Variants in SLC35D4 observed in about 807,000 individuals in gnomAD.
SLC35D4 encodes the protein UDP-N-acetylglucosamine transporter SLC35D4.
the SLC35D4 span, among the ~76,000 whole-genome samples, chr18:23,424,003 C>T: frequency 2.6e-5 from 4 of 152,092 alleles, no homozygotes; most frequent in East Asian, 3.9e-4. Context: ...AGTGACACGT[C>T]GCATTTACAT....
At chr18:23,419,401 TC>T in the SLC35D4 span, among the ~76,000 whole-genome samples, 1 of 152,112 alleles carries the variant, frequency 6.6e-6, no homozygotes, top group Admixed American at 6.5e-5. Context: ...CAAGCGATTC[TC>T]CTGCCTCAGC....
chr18:23,246,585 G>T, the SLC35D4 span, among the ~76,000 whole-genome samples: 26 of 151,908 alleles, frequency 1.7e-4, no homozygotes, highest in Non-Finnish European at 7.4e-5. Context: ...TAGAGATGGG[G>T]TTTCACCGTG....
chr18:23,243,468 GTTTTTTT>G, the SLC35D4 span, among the ~76,000 whole-genome samples: 13 of 101,878 alleles, frequency 1.3e-4, no homozygotes, highest in Admixed American at 8.0e-4. Flanking sequence ...TGGGTTTGGT[GTTTTTTT>G]TTTTTTTTTT....
At chr18:23,383,805 G>A in the SLC35D4 span, among the ~76,000 whole-genome samples, 1 of 152,050 alleles carries the variant, frequency 6.6e-6, no homozygotes, top group Non-Finnish European at 1.5e-5. Flanking sequence ...ATGGGCCCAG[G>A]GAAATAAGCC....
chr18:23,349,455 C>T, the SLC35D4 span, among the ~76,000 whole-genome samples: 18 of 152,300 alleles, frequency 1.2e-4, no homozygotes, highest in East Asian at 3.3e-3. Flanking sequence ...CATGGTGAAA[C>T]CCCGTCTCTG....
chr18:23,251,144 T>G, the SLC35D4 span, among the ~76,000 whole-genome samples: 1 of 152,326 alleles, frequency 6.6e-6, no homozygotes, highest in African/African-American at 2.4e-5. Context: ...TTTCCTGAGC[T>G]TTGACTGATT....
the SLC35D4 span, among the ~76,000 whole-genome samples, chr18:23,367,306 GA>G: frequency 6.6e-5 from 10 of 151,300 alleles, no homozygotes; most frequent in African/African-American, 1.9e-4. Context: ...CAGCGCACTT[GA>G]AAAAAAATTC....
the SLC35D4 span, chr18:23,297,642 A>C: frequency 4.4e-6 from 1 of 226,192 alleles, no homozygotes; most frequent in African/African-American, 2.3e-5. Flanking sequence ...TGGCATCCAG[A>C]GGTGTGAAGC....
chr18:23,286,481 C>T, the SLC35D4 span, among the ~76,000 whole-genome samples: 1 of 152,138 alleles, frequency 6.6e-6, no homozygotes, highest in Non-Finnish European at 1.5e-5. Context: ...GCCCAAGGCT[C>T]TCTGACTGAC....
chr18:23,313,267 T>C, the SLC35D4 span, among the ~76,000 whole-genome samples: 16 of 151,548 alleles, frequency 1.1e-4, no homozygotes, highest in Admixed American at 2.6e-4. Flanking sequence ...AGGCTCCTCA[T>C]GTGCTTGAAA....
the SLC35D4 span, among the ~76,000 whole-genome samples, chr18:23,434,929 G>A: frequency 6.6e-6 from 1 of 152,092 alleles, no homozygotes. Context: ...AGGCTGAGGT[G>A]GGCGGATCAC....
the SLC35D4 span, among the ~76,000 whole-genome samples, chr18:23,243,468 G>GTTTTTTTTTTTTTT: frequency 9.8e-6 from 1 of 101,874 alleles, no homozygotes; most frequent in African/African-American, 3.6e-5. Context: ...TGGGTTTGGT[G>GTTTTTTTTTTTTTT]TTTTTTTTTT....
the SLC35D4 span, among the ~76,000 whole-genome samples, chr18:23,321,463 C>CT: frequency 4.8e-3 from 699 of 146,116 alleles, 10 homozygotes; most frequent in African/African-American, 0.016. Flanking sequence ...AGTGGGGAGT[C>CT]TTTTTTTTTT....
At chr18:23,277,448 T>C in the SLC35D4 span, among the ~76,000 whole-genome samples, 15 of 152,344 alleles carry the variant, frequency 9.8e-5, no homozygotes, top group African/African-American at 3.1e-4. Flanking sequence ...AAACCTCTTT[T>C]GTAAATTTCC....
At chr18:23,320,427 A>C in the SLC35D4 span, among the ~76,000 whole-genome samples, 1 of 152,144 alleles carries the variant, frequency 6.6e-6, no homozygotes, top group South Asian at 2.1e-4. Flanking sequence ...ATTTTCTTTA[A>C]CATATTATCC....
At chr18:23,252,473 C>T in the SLC35D4 span, among the ~76,000 whole-genome samples, 1 of 152,200 alleles carries the variant, frequency 6.6e-6, no homozygotes, top group Non-Finnish European at 1.5e-5. Flanking sequence ...ACTTCTCATA[C>T]AGTTCTCAGA....
the SLC35D4 span, among the ~76,000 whole-genome samples, chr18:23,314,794 C>T: frequency 4.4e-4 from 67 of 152,310 alleles, 1 homozygote; most frequent in African/African-American, 1.4e-3. Context: ...CACACAGACC[C>T]GAATAACAAA....
the SLC35D4 span, among the ~76,000 whole-genome samples, chr18:23,247,116 C>T: frequency 2.0e-5 from 3 of 152,242 alleles, no homozygotes; most frequent in African/African-American, 4.8e-5. Context: ...ACTGCCGTGG[C>T]TCAATCTCCT....
At chr18:23,359,685 G>A in the SLC35D4 span, among the ~76,000 whole-genome samples, 2 of 152,144 alleles carry the variant, frequency 1.3e-5, no homozygotes, top group Non-Finnish European at 2.9e-5. Context: ...GCAGTAATTA[G>A]TGCTGCTTGC....
Sources: gnomAD v4.1 joint callset for allele counts (sites outside exome capture counted in the v4.1 genomes callset) on GRCh38, gnomAD v4.1.1 for gene constraint, MANE v1.5 for transcripts, NCBI Gene and HGNC (gene_info 2026-07-23, HGNC 2026-07-21) for gene names.